Variants in IL1RAPL1 observed in about 807,000 individuals in gnomAD.
The protein encoded by IL1RAPL1 is interleukin-1 receptor accessory protein-like 1.
IL1RAPL1 carries 3 observed loss-of-function variants against 48.4 expected under a neutral mutation model. The observed-to-expected ratio is 0.06, with a 90% CI of 0.03 to 0.16. IL1RAPL1 has a LOEUF of 0.16. IL1RAPL1 is among the 10% of genes least tolerant of loss of function. The pLI is 1.00. For missense variants in IL1RAPL1, 349 were observed against 530.6 expected, an observed-to-expected ratio of 0.66 and a Z score of 3.36; for synonymous variants, 185 against 187.7, an observed-to-expected ratio of 0.99 and a Z score of 0.12.
chrX:29,755,555 C>T (rs768251419), intron 6 of IL1RAPL1, among the ~76,000 whole-genome samples: 12 of 112,157 alleles, frequency 1.1e-4, no homozygotes, highest in African/African-American at 1.6e-4. Context: ...TTTTCTCTCC[C>T]GTCAATACTT....
chrX:29,383,533 C>T (rs930008406), intron 3 of IL1RAPL1, among the ~76,000 whole-genome samples: 1 of 111,793 alleles, frequency 8.9e-6, no homozygotes, highest in African/African-American at 3.2e-5. Flanking sequence ...AATATAATGT[C>T]ATATTCTGAG....
chrX:29,761,982 G>C (rs1389726588), intron 6 of IL1RAPL1, among the ~76,000 whole-genome samples: 1 of 111,755 alleles, frequency 8.9e-6, no homozygotes, highest in Non-Finnish European at 1.9e-5. Context: ...TGTAATATTT[G>C]AGCAGAAAGG....
chrX:28,841,678 A>G (rs1405488649), intron 2 of IL1RAPL1, among the ~76,000 whole-genome samples: 2 of 110,695 alleles, frequency 1.8e-5, no homozygotes, highest in African/African-American at 6.5e-5. Flanking sequence ...ACCAGAATAA[A>G]ACCTGGTAAG....
At chrX:28,665,946 C>T (rs948332898) in intron 1 of IL1RAPL1, among the ~76,000 whole-genome samples, 2 of 112,130 alleles carry the variant, frequency 1.8e-5, no homozygotes, top group Non-Finnish European at 3.8e-5. Context: ...CTATGGAGCA[C>T]GCACGCGCAC....
chrX:29,178,670 C>T (rs1013715836), intron 2 of IL1RAPL1, among the ~76,000 whole-genome samples: 5 of 111,689 alleles, frequency 4.5e-5, no homozygotes, highest in Non-Finnish European at 9.4e-5. Flanking sequence ...AGTCCTTGCC[C>T]ATGCCTATGT....
intron 2 of IL1RAPL1, among the ~76,000 whole-genome samples, chrX:28,971,876 TTGTGTGTGTGTGTGTGTGTGTG>T (rs3066657): frequency 1.2e-5 from 1 of 84,488 alleles, no homozygotes; most frequent in Admixed American, 1.4e-4. Context: ...ACTCTGAAAA[TTGTGTGTGTGTGTGTGTGTGTG>T]TGTGTGTGTG....
intron 2 of IL1RAPL1, among the ~76,000 whole-genome samples, chrX:29,033,805 A>T (rs1926670791): frequency 9.0e-6 from 1 of 110,803 alleles, no homozygotes; most frequent in Non-Finnish European, 1.9e-5. Context: ...AAGATATTTT[A>T]AAGCTCCCAA....
At chrX:29,188,165 ACTC>A (rs1259899760) in intron 2 of IL1RAPL1, among the ~76,000 whole-genome samples, 1 of 111,239 alleles carries the variant, frequency 9.0e-6, no homozygotes, top group Non-Finnish European at 1.9e-5. Flanking sequence ...TCCACAGACT[ACTC>A]CTCTGTGTCT....
At chrX:29,319,218 G>T (rs1932784821) in intron 3 of IL1RAPL1, among the ~76,000 whole-genome samples, 1 of 98,482 alleles carries the variant, frequency 1.0e-5, no homozygotes, top group African/African-American at 3.9e-5. Context: ...TTGAGACAAG[G>T]TCTTACTCTA....
At chrX:28,900,614 T>C (rs1439640194) in intron 2 of IL1RAPL1, among the ~76,000 whole-genome samples, 1 of 112,545 alleles carries the variant, frequency 8.9e-6, no homozygotes, top group Non-Finnish European at 1.9e-5. Context: ...GACAATGTTT[T>C]AAAAGTATCA....
intron 6 of IL1RAPL1, among the ~76,000 whole-genome samples, chrX:29,837,300 T>TATATATAC (rs1300189172): frequency 1.8e-5 from 1 of 55,635 alleles, no homozygotes; most frequent in Non-Finnish European, 3.1e-5. Context: ...TATATATATA[T>TATATATAC]ACACACACAC....
chrX:29,518,604 G>T (rs957818486), intron 5 of IL1RAPL1, among the ~76,000 whole-genome samples: 1 of 111,734 alleles, frequency 8.9e-6, no homozygotes, highest in East Asian at 2.8e-4. Flanking sequence ...CAGTGCAGAA[G>T]GGTGTTACAT....
chrX:29,555,073 C>T (rs1268559281), intron 5 of IL1RAPL1, among the ~76,000 whole-genome samples: 1 of 112,746 alleles, frequency 8.9e-6, no homozygotes, highest in Non-Finnish European at 1.9e-5. Flanking sequence ...TTAACAGGCC[C>T]TGCCAGACCA....
Position 28,939,101 on chromosome X carries a change from T to G in IL1RAPL1, c.82+149676T>G, listed in dbSNP as rs189033721. ...CTGTTAGTAGGAATATAAATTAGTT[T>G]AGCCATTGTGGAAAGCAGTGTGACG... On this transcript the variant is annotated intron_variant, in intron 2 of 10. Transcript: ENST00000378993. 2.7e-5 allele frequency among the ~76,000 whole-genome samples: 3 copies of G among 110,572 alleles called. No homozygotes were observed. The Admixed American group carries it at 2.9e-4, about 11-fold the overall frequency.
intron 2 of IL1RAPL1, among the ~76,000 whole-genome samples, chrX:29,018,804 A>AT (rs1486549907): frequency 8.9e-6 from 1 of 111,771 alleles, no homozygotes; most frequent in African/African-American, 3.2e-5. Flanking sequence ...AAACCACCAC[A>AT]TTTTTTGCCA....
intron 1 of IL1RAPL1, among the ~76,000 whole-genome samples, chrX:28,706,185 CTA>C (rs1159218722): frequency 9.0e-6 from 1 of 111,537 alleles, no homozygotes; most frequent in Non-Finnish European, 1.9e-5. Flanking sequence ...TGTACCTTTT[CTA>C]TGTTTAGATA....
chrX:29,651,842 A>G (rs1925528677), intron 5 of IL1RAPL1, among the ~76,000 whole-genome samples: 1 of 111,907 alleles, frequency 8.9e-6, no homozygotes. Context: ...TAACCATTCT[A>G]CAATGGATAT....
At chrX:28,999,496 CTG>C (rs1925798894) in intron 2 of IL1RAPL1, among the ~76,000 whole-genome samples, 1 of 111,623 alleles carries the variant, frequency 9.0e-6, no homozygotes, top group Non-Finnish European at 1.9e-5. Context: ...CTTCATTTTC[CTG>C]TGTCTTTTAT....
intron 5 of IL1RAPL1, among the ~76,000 whole-genome samples, chrX:29,448,528 CTT>C (rs1195408073): frequency 8.9e-6 from 1 of 111,986 alleles, no homozygotes; most frequent in Non-Finnish European, 1.9e-5. Context: ...TACTAAGACT[CTT>C]TGACATGCAT....
Sources: allele counts gnomAD v4.1 joint callset (sites outside exome capture counted in the v4.1 genomes callset), GRCh38; gene constraint gnomAD v4.1.1; transcripts MANE v1.5; gene names NCBI Gene and HGNC (gene_info 2026-07-23, HGNC 2026-07-21).